Variants in RBFOX1 observed in about 807,000 individuals in gnomAD.
RBFOX1 encodes the protein RNA binding protein fox-1 homolog 1.
Under a neutral mutation model 57.7 loss-of-function variants are expected in RBFOX1, and 8 were observed. The ratio of observed to expected loss-of-function variants is 0.14; its 90% CI spans 0.08 to 0.25. RBFOX1 has a LOEUF of 0.25. Ranked by LOEUF, RBFOX1 falls within the 10% of genes least tolerant of loss-of-function variation. The pLI is 1.00. For synonymous variants in RBFOX1, 326 were observed against 222.4 expected, an observed-to-expected ratio of 1.47 and a Z score of -4.15; for missense variants, 611 against 548.5, an observed-to-expected ratio of 1.11 and a Z score of -1.14.
At chr16:6,924,233 A>T (rs796183019) in intron 3 of RBFOX1, among the ~76,000 whole-genome samples, 1 of 151,952 alleles carries the variant, frequency 6.6e-6, no homozygotes, top group Non-Finnish European at 1.5e-5. Flanking sequence ...TTATAAAGAA[A>T]AGAGGTTTAT....
At chr16:6,243,832 C>G (rs1170376462) in intron 1 of RBFOX1, among the ~76,000 whole-genome samples, 1 of 152,106 alleles carries the variant, frequency 6.6e-6, no homozygotes, top group Non-Finnish European at 1.5e-5. Flanking sequence ...GGAGATCCTG[C>G]CTGAGATGAA....
chr16:5,309,766 G>A (rs2064034142), intron 1 of RBFOX1, among the ~76,000 whole-genome samples: 1 of 152,154 alleles, frequency 6.6e-6, no homozygotes, highest in African/African-American at 2.4e-5. Flanking sequence ...TCCAAGGGAA[G>A]CAATTTTATT....
In RBFOX1 at chr16:6,886,358, G is replaced by A. The variant is rs149333399; in HGVS notation, c.-15-165699G>A. Among the ~76,000 whole-genome samples, 214 of 152,074 alleles carry A rather than the reference G, an allele frequency of 1.4e-3. 2 individuals are homozygous for A. The highest frequency in any genetic ancestry group is 4.9e-3 in the African/African-American group (203 of 41,496). ...ATTACTGGCGTGAGTCACTGCGCCC[G>A]GCCCAGTGAAGCACCTTACGTGTGT... is the stretch of plus-strand genomic sequence containing the variant. On this transcript the variant is annotated intron_variant, in intron 3 of 15. Transcript: ENST00000550418.
chr16:7,588,587 T>A (rs1027192468), intron 7 of RBFOX1, among the ~76,000 whole-genome samples: 1 of 152,152 alleles, frequency 6.6e-6, no homozygotes, highest in Non-Finnish European at 1.5e-5. Context: ...ATCCTCAGAC[T>A]ATGAATGCAA....
chr16:5,270,034 C>G (rs2062966084), intron 1 of RBFOX1: 1 of 169,572 alleles, frequency 5.9e-6, no homozygotes, highest in Admixed American at 6.2e-5. Flanking sequence ...GTGGCTCACA[C>G]CTGTGATCCC....
At chr16:6,510,758 T>C (rs1040265184) in intron 2 of RBFOX1, among the ~76,000 whole-genome samples, 1 of 151,192 alleles carries the variant, frequency 6.6e-6, no homozygotes, top group Non-Finnish European at 1.5e-5. Context: ...TCCCAAACTA[T>C]TAAAAAAAAG....
At chr16:6,347,620 A>C (rs2085600399) in intron 2 of RBFOX1, among the ~76,000 whole-genome samples, 1 of 152,186 alleles carries the variant, frequency 6.6e-6, no homozygotes, top group Non-Finnish European at 1.5e-5. Context: ...CGGTTGGGTG[A>C]AGGAGACTGA....
chr16:6,079,164 C>G lies in RBFOX1; in HGVS notation c.-127+59172C>G, dbSNP rs934845240. Reference sequence around the variant, plus strand: ...TCTCTACTGAAAATAAAGAAAATTACCAGCCGCATTACATGCCTGTAATCC... The same window carrying G: ...TCTCTACTGAAAATAAAGAAAATTAGCAGCCGCATTACATGCCTGTAATCC... On this transcript the variant is annotated intron_variant, in intron 1 of 15. Transcript: ENST00000550418. Among the ~76,000 whole-genome samples, 28 of 3,384 alleles carry G rather than the reference C, an allele frequency of 8.3e-3. No homozygotes were observed. In the African/African-American group the frequency reaches 0.23, roughly 28 times the overall value. The allele number at this position is 3,384 out of a possible 152,430, so 2.2% of individuals were successfully genotyped here.
chr16:7,701,126 A>G (rs1426748465), intron 14 of RBFOX1, among the ~76,000 whole-genome samples: 1 of 152,228 alleles, frequency 6.6e-6, no homozygotes, highest in Non-Finnish European at 1.5e-5. Context: ...TAAGCGCTTT[A>G]AAGACAAGCT....
At chr16:5,664,850 A>T (rs1306387654) in intron 3 of RBFOX1, among the ~76,000 whole-genome samples, 1 of 152,050 alleles carries the variant, frequency 6.6e-6, no homozygotes, top group African/African-American at 2.4e-5. Flanking sequence ...AATGCAATAC[A>T]CATGGCCTTG....
intron 3 of RBFOX1, among the ~76,000 whole-genome samples, chr16:6,828,876 C>T (rs765987317): frequency 2.0e-5 from 3 of 152,304 alleles, no homozygotes; most frequent in Non-Finnish European, 4.4e-5. Context: ...CACCCCTTGG[C>T]TAAAGAAACA....
At chr16:6,949,521 C>T (rs558959368) in intron 3 of RBFOX1, among the ~76,000 whole-genome samples, 5 of 152,270 alleles carry the variant, frequency 3.3e-5, no homozygotes, top group African/African-American at 9.6e-5. Context: ...TCTGTTTCTT[C>T]TTGGGCCTCT....
At chr16:7,276,233 G>C (rs910350157) in intron 4 of RBFOX1, among the ~76,000 whole-genome samples, 5 of 152,140 alleles carry the variant, frequency 3.3e-5, no homozygotes, top group Non-Finnish European at 5.9e-5. Context: ...AGCTATTTCT[G>C]GCTGCAGACT....
chr16:6,815,718 A>G (rs2089923950), intron 3 of RBFOX1, among the ~76,000 whole-genome samples: 1 of 152,078 alleles, frequency 6.6e-6, no homozygotes, highest in South Asian at 2.1e-4. Context: ...CTTAACCATT[A>G]CCCACTCTTC....
chr16:6,240,253 C>G (rs1567751198), intron 1 of RBFOX1, among the ~76,000 whole-genome samples: 1 of 152,080 alleles, frequency 6.6e-6, no homozygotes, highest in Admixed American at 6.5e-5. Flanking sequence ...CATAAATTAC[C>G]CAGTCTCAGG....
At chr16:7,121,721 C>G (rs986381471) in intron 4 of RBFOX1, among the ~76,000 whole-genome samples, 5 of 151,612 alleles carry the variant, frequency 3.3e-5, no homozygotes. Flanking sequence ...TAAGGAAAAA[C>G]AAAAACTAGA....
intron 4 of RBFOX1, among the ~76,000 whole-genome samples, chr16:7,416,363 T>G (rs1344662878): frequency 6.6e-6 from 1 of 152,202 alleles, no homozygotes; most frequent in Admixed American, 6.5e-5. Flanking sequence ...TTGATCAGAA[T>G]AGAGGTTTTT....
chr16:7,204,627 C>T (rs971592892), intron 4 of RBFOX1, among the ~76,000 whole-genome samples: 11 of 152,142 alleles, frequency 7.2e-5, no homozygotes, highest in African/African-American at 2.7e-4. Context: ...GCCTGGGCAA[C>T]AGAACAAGAC....
chr16:7,467,817 T>C (rs1205691421), intron 4 of RBFOX1, among the ~76,000 whole-genome samples: 2 of 152,224 alleles, frequency 1.3e-5, no homozygotes, highest in Admixed American at 1.3e-4. Context: ...CTTCAGTCTT[T>C]ACAGAGTCCT....
Sources: gnomAD v4.1 joint callset for allele counts (sites outside exome capture counted in the v4.1 genomes callset) on GRCh38, gnomAD v4.1.1 for gene constraint, MANE v1.5 for transcripts, NCBI Gene and HGNC (gene_info 2026-07-23, HGNC 2026-07-21) for gene names.